ANKRD36C: variants seen among roughly 807,000 people sequenced by gnomAD.
The protein encoded by ANKRD36C is ankyrin repeat domain-containing protein 36C.
In ANKRD36C, 61 loss-of-function variants were observed where a neutral mutation model predicts 276.4. The ratio of observed to expected loss-of-function variants is 0.22; its 90% CI spans 0.18 to 0.27. The LOEUF is 0.27. ANKRD36C is among the 10% of genes least tolerant of loss of function. The pLI is 1.00. For missense variants in ANKRD36C, 1,447 were observed against 2,032.3 expected, an observed-to-expected ratio of 0.71 and a Z score of 5.54; for synonymous variants, 483 against 680.1, an observed-to-expected ratio of 0.71 and a Z score of 4.51.
chr2:95,923,648 A>G lies in ANKRD36C; in HGVS notation c.2070+13T>C. ...CAGTTACTAATACAAAATATAAATG[A>G]GAGTTTAATTACCTTTGAGGGTGGT... On this transcript the variant is annotated intron_variant, in intron 31 of 66. Coordinates refer to ENST00000456556, the Ensembl canonical transcript of ANKRD36C. 6.2e-7 allele frequency: 1 copy of G among 1,610,378 alleles called. No individual in the cohort carries two copies. The highest frequency in any genetic ancestry group is 8.5e-7 in the Non-Finnish European group (1 of 1,177,784).
intron 6 of ANKRD36C, among the ~76,000 whole-genome samples, chr2:95,965,213 T>TAC (rs894252207): frequency 1.3e-4 from 19 of 150,672 alleles, no homozygotes; most frequent in African/African-American, 1.9e-4. Flanking sequence ...AGAGAAAAAA[T>TAC]ACACACACAC....
chr2:95,916,771 G>C (rs1057120752), intron 36 of ANKRD36C, among the ~76,000 whole-genome samples: 4 of 151,712 alleles, frequency 2.6e-5, no homozygotes, highest in Non-Finnish European at 4.4e-5. Context: ...GTAATAATTT[G>C]CCTAAGTTTC....
intron 60 of ANKRD36C, among the ~76,000 whole-genome samples, chr2:95,862,214 T>G (rs552477175): frequency 6.6e-6 from 1 of 152,080 alleles, no homozygotes; most frequent in African/African-American, 2.4e-5. Context: ...AGAATAGACT[T>G]GAACAACACT....
At chr2:95,939,835 A>C (rs1677824739) in intron 20 of ANKRD36C, among the ~76,000 whole-genome samples, 1 of 152,302 alleles carries the variant, frequency 6.6e-6, no homozygotes, top group Non-Finnish European at 1.5e-5. Flanking sequence ...ACAGTCATGA[A>C]GGCTTCTGAT....
chr2:95,927,573 T>TG (rs1208666174), intron 26 of ANKRD36C, among the ~76,000 whole-genome samples, 164 bp from the exon 27 acceptor site: 1 of 151,418 alleles, frequency 6.6e-6, no homozygotes, highest in African/African-American at 2.4e-5. Flanking sequence ...AGAAATACAC[T>TG]GAAAAAAAAG....
At chr2:95,857,196 GA>G (rs1474817630) in intron 62 of ANKRD36C, 112 bp downstream of exon 82, 12 of 1,257,394 alleles carry the variant, frequency 9.5e-6, no homozygotes, top group African/African-American at 1.5e-5. Flanking sequence ...TTTTTAAGAT[GA>G]AATAAAATTT....
chr2:95,882,681 G>A (rs566916189), intron 54 of ANKRD36C, among the ~76,000 whole-genome samples, 184 bp from the exon 75 acceptor site: 102 of 152,174 alleles, frequency 6.7e-4, no homozygotes, highest in Non-Finnish European at 3.2e-4. Context: ...AGGAATACAC[G>A]CTTCCAGAAA....
At chr2:95,918,435 A>G (rs901768329) in intron 34 of ANKRD36C, among the ~76,000 whole-genome samples, 2 of 151,618 alleles carry the variant, frequency 1.3e-5, no homozygotes, top group African/African-American at 4.8e-5. Flanking sequence ...AATCAAAAGG[A>G]TTTACACCAT....
At chr2:95,893,125 T>G (rs1476369048) in intron 44 of ANKRD36C, among the ~76,000 whole-genome samples, 1 of 151,394 alleles carries the variant, frequency 6.6e-6, no homozygotes, top group Non-Finnish European at 1.5e-5. Flanking sequence ...GTCTCCTTAG[T>G]TCTCCTACAG....
chr2:95,970,316 A>G (rs1217860524), intron 6 of ANKRD36C, among the ~76,000 whole-genome samples: 3 of 152,118 alleles, frequency 2.0e-5, no homozygotes, highest in Non-Finnish European at 4.4e-5. Context: ...GGCACAAACA[A>G]TCCTTAAATT....
intron 61 of ANKRD36C, among the ~76,000 whole-genome samples, chr2:95,858,324 A>C (rs1035432690): frequency 6.6e-6 from 1 of 152,216 alleles, no homozygotes; most frequent in African/African-American, 2.4e-5. Context: ...TATCCTAATA[A>C]AATTTCTATG....
At chr2:95,851,482 A>G (rs1573714039) in intron 66 of ANKRD36C, among the ~76,000 whole-genome samples, 1 of 152,222 alleles carries the variant, frequency 6.6e-6, no homozygotes, top group Admixed American at 6.5e-5. Context: ...CCTTCAGGCT[A>G]TGTGCATAAG....
intron 20 of ANKRD36C, 84 bp downstream of exon 20, chr2:95,941,076 C>G: frequency 1.3e-6 from 1 of 787,772 alleles, no homozygotes; most frequent in Non-Finnish European, 1.7e-6. Flanking sequence ...TTCACTACCT[C>G]ACCACCTTTG....
chr2:95,952,841 A>G (rs1336684365), intron 14 of ANKRD36C, among the ~76,000 whole-genome samples: 1 of 152,296 alleles, frequency 6.6e-6, no homozygotes, highest in East Asian at 1.9e-4. Context: ...AAAAACTATT[A>G]AAGTGTTTCT....
chr2:95,860,669 T>C (rs1168684480), intron 60 of ANKRD36C, among the ~76,000 whole-genome samples: 1 of 152,270 alleles, frequency 6.6e-6, no homozygotes, highest in South Asian at 2.1e-4. Flanking sequence ...AAAACAAATA[T>C]AGCAGGCCTT....
intron 40 of ANKRD36C, 49 bp downstream of exon 42, chr2:95,914,059 T>A: frequency 6.7e-7 from 1 of 1,498,730 alleles, no homozygotes; most frequent in Non-Finnish European, 9.0e-7. Context: ...GAAGAGAATT[T>A]CTTATCTATC....
intron 44 of ANKRD36C, chr2:95,897,298 T>C (rs1009163638): frequency 1.3e-6 from 2 of 1,530,734 alleles, no homozygotes; most frequent in Admixed American, 2.0e-5. Flanking sequence ...CATGCTTTTT[T>C]CCTCTGGCTA....
rs575138577 is a variant in ANKRD36C at position 95,929,345 on chromosome 2, T to C, written c.1736-78A>G. On this transcript the variant is annotated intron_variant, in intron 24 of 66. Transcript: ENST00000456556. ...TCCATACATTAATGCATGGATAGCA[T>C]GTTAGCATCAAGTTTTGTACTCCTG... is the stretch of plus-strand genomic sequence containing the variant. 1.2e-3 allele frequency: 1,872 copies of C among 1,530,084 alleles called. 40 individuals carry two copies. The East Asian group carries it at 0.041, about 34-fold the overall frequency. The allele number at this position is 1,530,084 out of a possible 1,614,324, so 94.8% of individuals were successfully genotyped here.
chr2:95,893,587 C>A (rs752119568), intron 44 of ANKRD36C: 2 of 1,573,176 alleles, frequency 1.3e-6, no homozygotes, highest in Admixed American at 1.8e-5. Flanking sequence ...AAAACAGAAT[C>A]TTCCTCGTCA....
Sources: gnomAD v4.1 joint callset for allele counts (sites outside exome capture counted in the v4.1 genomes callset) on GRCh38, gnomAD v4.1.1 for gene constraint, MANE v1.5 for transcripts, NCBI Gene and HGNC (gene_info 2026-07-23, HGNC 2026-07-21) for gene names.